Variants in PCDHA9 observed in about 807,000 individuals in gnomAD.
PCDHA9 encodes protocadherin alpha-9.
PCDHA9 carries 62 observed loss-of-function variants against 62.0 expected under a neutral mutation model. That is an observed-to-expected ratio of 1.00 (90% CI 0.81 to 1.23). The LOEUF (loss-of-function observed/expected upper bound fraction) is 1.23, where lower values mean the gene tolerates loss of function less well. PCDHA9 is among the 50% of genes most tolerant of loss of function. PCDHA9 has a pLI of 0.00. For missense variants in PCDHA9, 1,205 were observed against 1,249.8 expected, an observed-to-expected ratio of 0.96 and a Z score of 0.54; for synonymous variants, 557 against 567.6, an observed-to-expected ratio of 0.98 and a Z score of 0.27.
At position 140,848,444 on chromosome 5, in the gene PCDHA9, C is replaced by T. The variant is rs2150410443; in HGVS notation, c.-52C>T. 2.3e-5 allele frequency: 35 copies of T among 1,498,894 alleles called. 1 individual carries two copies. Among genetic ancestry groups the T allele is most frequent in the Non-Finnish European group, 2.9e-5 (32 of 1,100,132 alleles). The allele number at this position is 1,498,894 out of a possible 1,614,324, so 92.8% of individuals were successfully genotyped here. On this transcript the variant is annotated 5_prime_UTR_variant, in exon 1 of 4. Coordinates refer to ENST00000532602, the MANE Select transcript of PCDHA9 (RefSeq NM_031857.2). ...TGGGACTGACGAAATCAGATGATTT[C>T]TTCTAATTTGGAGGCAATTTTCACT... is the stretch of plus-strand genomic sequence containing the variant.
At chr5:140,855,757 G>C (rs1242521250) in intron 1 of PCDHA9, 2 of 357,032 alleles carry the variant, frequency 5.6e-6, no homozygotes, top group African/African-American at 2.1e-5. Flanking sequence ...GGCTTTGAAA[G>C]TCCATAGACA....
At chr5:140,871,288 G>A (rs1254609310) in intron 1 of PCDHA9, 2 of 1,613,786 alleles carry the variant, frequency 1.2e-6, no homozygotes, top group Non-Finnish European at 1.7e-6. Context: ...GCCCACTGAG[G>A]GCGCGTGCGC....
In PCDHA9 at chr5:140,850,346, C is replaced by A. The variant is rs2150480590; in HGVS notation, c.1851C>A (p.Ser617Arg). Residue 617 changes from serine to arginine, a missense_variant, in exon 1 of 4, where the codon AGC (serine) becomes AGA (arginine). By Grantham distance (110) the Ser-to-Arg change is moderately radical. Around this residue, in one of 3 missense-constraint regions of PCDHA9, gnomAD observed 887 missense variants for 809.5 expected, o/e 1.10. Transcript: ENST00000532602. ...LSYELQPETA[S>R]ASIPFRVGLY... is the part of the protein sequence containing the mutation. ...ACGAGCTGCAGCCAGAAACGGCCAGCGCGAGCATCCCGTTCCGCGTGGGGC... is the reference window on the plus strand; with the variant it reads ...ACGAGCTGCAGCCAGAAACGGCCAGAGCGAGCATCCCGTTCCGCGTGGGGC... 9 of 1,597,626 alleles carry A rather than the reference C, an allele frequency of 5.6e-6. 1 individual carries two copies. In the East Asian group the frequency reaches 2.0e-4, roughly 36 times the overall value.
At chr5:140,876,361 C>A in intron 1 of PCDHA9, 1 of 1,613,880 alleles carries the variant, frequency 6.2e-7, no homozygotes. Flanking sequence ...TTCAATAAAT[C>A]CAGACACAGG....
intron 1 of PCDHA9, chr5:140,884,177 C>G (rs1405519238): frequency 1.9e-6 from 3 of 1,613,322 alleles, no homozygotes; most frequent in South Asian, 1.1e-5. Flanking sequence ...GACGCGCCCT[C>G]TGGACGAGGT....
intron 1 of PCDHA9, chr5:140,867,034 G>C (rs1398561687): frequency 6.6e-6 from 1 of 152,106 alleles, no homozygotes; most frequent in Non-Finnish European, 1.5e-5. Context: ...ACTCTTTTAT[G>C]ACTTGGCGTT....
chr5:140,876,259 C>T (rs1554168431), intron 1 of PCDHA9: 7 of 1,613,952 alleles, frequency 4.3e-6, no homozygotes, highest in South Asian at 1.1e-5. Flanking sequence ...AAGAGTGATC[C>T]AACTAAATGC....
Position 140,850,694 on chromosome 5 carries a change from G to C in PCDHA9, c.2199G>C (p.Ala733=). ...CGATGCCCACCGAGGGCGAGTGCGC[G>C]CCTGGCAAGCCGACGCTGGTGTGTT... ...CSAMPTEGEC[A]PGKPTLVCSS... is the part of the protein sequence containing the mutation. The change falls in exon 1 of 4, where the codon GCG becomes GCC. Residue 733 remains alanine, a synonymous_variant. Transcript: ENST00000532602. 2 of 1,598,344 alleles carry C rather than the reference G, an allele frequency of 1.3e-6. No individual in the cohort carries two copies. The highest frequency in any genetic ancestry group is 1.7e-6 in the Non-Finnish European group (2 of 1,167,800).
rs1207602014 is a variant in PCDHA9 at position 140,886,275 on chromosome 5, T to A, written c.2394+35386T>A. On this transcript the variant is annotated intron_variant, in intron 1 of 3. Transcript: ENST00000532602. ...ATCTCTATTTATAGATAAAATTTTT[T>A]AAAATTATTTTTATATTTATTTATT... 5.9e-5 allele frequency among the ~76,000 whole-genome samples: 9 copies of A among 152,098 alleles called. No homozygotes were observed. In the East Asian group the frequency reaches 1.5e-3, roughly 26 times the overall value.
Position 140,869,844 on chromosome 5 carries a change from T to C in PCDHA9, c.2394+18955T>C, listed in dbSNP as rs782664707. The C allele has an allele frequency of 1.3e-5, 21 of 1,611,376 alleles. No individual in the cohort carries two copies. The South Asian group carries it at 1.7e-4, about 13-fold the overall frequency. ...ATCCAGAGTTTGATAAATCAGAATA[T>C]AAGGTGAGCCTTATGGAAAATGCTG... On this transcript the variant is annotated intron_variant, in intron 1 of 3. Transcript: ENST00000532602.
In PCDHA9 at chr5:141,010,301, A is replaced by G. The variant is rs1232797660; in HGVS notation, c.*364A>G. On this transcript the variant is annotated 3_prime_UTR_variant, in exon 4 of 4. Coordinates refer to ENST00000532602, the MANE Select transcript of PCDHA9 (RefSeq NM_031857.2). ...TTGATGACACTTGCAGGGCAGGCTG[A>G]AAAGTTTTGAGATTGAGCAGCTTGG... 1 of 1,548,942 alleles carries G rather than the reference A, an allele frequency of 6.5e-7. No individual in the cohort carries two copies. Among genetic ancestry groups the G allele is most frequent in the African/African-American group, 1.4e-5 (1 of 72,848 alleles).
chr5:140,869,580 T>C (rs1325973038), intron 1 of PCDHA9: 4 of 1,614,046 alleles, frequency 2.5e-6, no homozygotes, highest in Non-Finnish European at 3.4e-6. Flanking sequence ...GAGCTTCTGA[T>C]GCTGACATTG....
At chr5:140,971,641 C>T (rs1554233513) in intron 1 of PCDHA9, among the ~76,000 whole-genome samples, 1 of 152,078 alleles carries the variant, frequency 6.6e-6, no homozygotes, top group African/African-American at 2.4e-5. Context: ...CATGTGCCTA[C>T]ATTAAAAGTA....
chr5:140,853,953 C>A, intron 1 of PCDHA9: 1 of 757,816 alleles, frequency 1.3e-6, no homozygotes, highest in Non-Finnish European at 1.6e-6. Flanking sequence ...AGGGTCCCTT[C>A]CTTGAGCCCA....
chr5:140,857,412 C>T lies in PCDHA9; in HGVS notation c.2394+6523C>T, dbSNP rs782751627. On this transcript the variant is annotated intron_variant, in intron 1 of 3. Transcript: ENST00000532602. ...GTGAACGACAACGCGCCTGCGTTCGCGCAGTCCGAGTACACGGTGTTCGTG... is the reference window on the plus strand; with the variant it reads ...GTGAACGACAACGCGCCTGCGTTCGTGCAGTCCGAGTACACGGTGTTCGTG... 19 of 1,598,336 alleles carry T rather than the reference C, an allele frequency of 1.2e-5. 1 individual carries two copies. Among genetic ancestry groups the T allele is most frequent in the Non-Finnish European group, 1.4e-5 (16 of 1,167,836 alleles).
At chr5:140,861,605 T>C in intron 1 of PCDHA9, 2 of 362,576 alleles carry the variant, frequency 5.5e-6, no homozygotes, top group Non-Finnish European at 1.1e-5. Context: ...TGAAGAACAA[T>C]AAAGACAACC....
At chr5:140,995,698 G>T (rs963042409) in intron 3 of PCDHA9, among the ~76,000 whole-genome samples, 1 of 152,104 alleles carries the variant, frequency 6.6e-6, no homozygotes, top group African/African-American at 2.4e-5. Context: ...TTAAATAAAG[G>T]GCTGGGCTTG....
intron 1 of PCDHA9, chr5:140,884,293 GC>G: frequency 6.2e-7 from 1 of 1,613,666 alleles, no homozygotes; most frequent in Non-Finnish European, 8.5e-7. Flanking sequence ...GCGGCCAAGC[GC>G]CACAGGCTTC....
chr5:140,882,771 T>C (rs148644909), intron 1 of PCDHA9: 19 of 1,614,110 alleles, frequency 1.2e-5, no homozygotes, highest in Non-Finnish European at 1.6e-5. Context: ...AACTCGGCAT[T>C]GACCTACCGA....
Sources: allele counts gnomAD v4.1 joint callset (sites outside exome capture counted in the v4.1 genomes callset), GRCh38; gene constraint gnomAD v4.1.1; regional missense constraint gnomAD v4.1.1; transcripts MANE v1.5; gene names NCBI Gene and HGNC (gene_info 2026-07-23, HGNC 2026-07-21).